The following AFF3 variants were observed in gnomAD, a reference collection of about 807,000 sequenced individuals.
AFF3 encodes ALF transcription elongation factor 3, also known as AF4/FMR2 family member 3.
Under a neutral mutation model 129.7 loss-of-function variants are expected in AFF3, and 32 were observed. That is an observed-to-expected ratio of 0.25 (90% CI 0.19 to 0.33). The LOEUF (loss-of-function observed/expected upper bound fraction) is 0.33, where lower values mean the gene tolerates loss of function less well. Among genes scored for constraint, AFF3 ranks in the 10% least tolerant of loss-of-function variants. AFF3 has a pLI of 1.00. For missense variants in AFF3, 1,373 were observed against 1,592.0 expected, an observed-to-expected ratio of 0.86 and a Z score of 2.34; for synonymous variants, 644 against 635.4, an observed-to-expected ratio of 1.01 and a Z score of -0.20.
chr2:99,880,216 G>A (rs991355153), intron 7 of AFF3, among the ~76,000 whole-genome samples: 3 of 152,168 alleles, frequency 2.0e-5, no homozygotes, highest in Admixed American at 6.5e-5. Context: ...AGCCTGGAAC[G>A]GGAGTGAAAT....
At chr2:100,070,588 A>G (rs545399316) in intron 4 of AFF3, among the ~76,000 whole-genome samples, 2 of 152,316 alleles carry the variant, frequency 1.3e-5, no homozygotes, top group South Asian at 4.1e-4. Context: ...CGTCAGTTAT[A>G]TTTGCACACC....
At chr2:99,761,562 C>T (rs1250839486) in intron 8 of AFF3, among the ~76,000 whole-genome samples, 1 of 152,192 alleles carries the variant, frequency 6.6e-6, no homozygotes, top group African/African-American at 2.4e-5. Context: ...CCCCACCTCA[C>T]GTAGCAGCTC....
intron 7 of AFF3, among the ~76,000 whole-genome samples, chr2:99,914,760 A>G (rs987337784): frequency 1.4e-5 from 2 of 141,772 alleles, no homozygotes; most frequent in Non-Finnish European, 3.0e-5. Flanking sequence ...CTAAAAATAC[A>G]AAAAAAAAAA....
intron 10 of AFF3, among the ~76,000 whole-genome samples, chr2:99,734,843 G>T (rs1169180055): frequency 1.3e-5 from 2 of 151,946 alleles, no homozygotes; most frequent in African/African-American, 2.4e-5. Flanking sequence ...TCTTGTACTG[G>T]CTTGTCAAGT....
intron 8 of AFF3, among the ~76,000 whole-genome samples, chr2:99,784,602 C>T (rs949750277): frequency 3.3e-5 from 5 of 152,166 alleles, no homozygotes; most frequent in African/African-American, 9.7e-5. Context: ...AAGCTTTGCG[C>T]AGTATTAAGA....
rs936243324 is a variant in AFF3, at chr2:99,896,867, C to A, written c.874-59343G>T. Among the ~76,000 whole-genome samples the A allele has an allele frequency of 5.3e-5, 8 of 151,812 alleles. No homozygotes were observed. In the East Asian group the frequency reaches 1.6e-3, roughly 29 times the overall value. ...AGCCAGGATGGTCTCGATCTCCTGA[C>A]CTCGTGATCTGCCCGCCTCGGCCTC... On this transcript the variant is annotated intron_variant, in intron 7 of 24. Coordinates refer to ENST00000672756, the MANE Select transcript of AFF3 (RefSeq NM_001386135.1).
At chr2:99,828,797 A>G (rs1339589795) in intron 8 of AFF3, among the ~76,000 whole-genome samples, 1 of 152,226 alleles carries the variant, frequency 6.6e-6, no homozygotes, top group Non-Finnish European at 1.5e-5. Flanking sequence ...GCTGAAGTTC[A>G]CAGAGCCCTT....
chr2:99,757,477 T>A (rs1013387463), intron 8 of AFF3, among the ~76,000 whole-genome samples: 1 of 152,356 alleles, frequency 6.6e-6, no homozygotes, highest in East Asian at 1.9e-4. Flanking sequence ...TTATTAAGCA[T>A]TTAAAATATA....
chr2:99,787,739 G>A (rs978656811), intron 8 of AFF3, among the ~76,000 whole-genome samples: 9 of 152,074 alleles, frequency 5.9e-5, no homozygotes, highest in Non-Finnish European at 4.4e-5. Context: ...ACAAACAAAC[G>A]AACAAACAAA....
chr2:99,787,164 G>A (rs375738798), intron 8 of AFF3, among the ~76,000 whole-genome samples: 1 of 152,106 alleles, frequency 6.6e-6, no homozygotes, highest in Non-Finnish European at 1.5e-5. Flanking sequence ...AGATGGCAGC[G>A]GGAGGCCACG....
chr2:99,873,418 T>C (rs1398411351), intron 7 of AFF3, among the ~76,000 whole-genome samples: 1 of 152,238 alleles, frequency 6.6e-6, no homozygotes, highest in Non-Finnish European at 1.5e-5. Flanking sequence ...TGTATTATTA[T>C]GAAGATAGTT....
At chr2:100,040,415 CATT>C (rs1685327171) in intron 4 of AFF3, among the ~76,000 whole-genome samples, 2 of 152,200 alleles carry the variant, frequency 1.3e-5, no homozygotes, top group Non-Finnish European at 2.9e-5. Flanking sequence ...CAATATACAT[CATT>C]GAGTTTCAAA....
intron 7 of AFF3, among the ~76,000 whole-genome samples, chr2:99,867,585 A>AAC (rs1691517785): frequency 6.6e-6 from 1 of 151,614 alleles, no homozygotes; most frequent in South Asian, 2.1e-4. Flanking sequence ...TTAAAAAAAA[A>AAC]AAAAAAAACA....
rs1364858531 is a variant in AFF3 at position 99,617,336 on chromosome 2, A to T, written c.1185-15715T>A. On this transcript the variant is annotated intron_variant, in intron 13 of 24. Coordinates refer to ENST00000672756, the MANE Select transcript of AFF3 (RefSeq NM_001386135.1). ...GCAACTGTTATTGTCCATCTTTTTC[A>T]TTCTGCCCATCATAGTGGGCGTGAA... 3.9e-5 allele frequency among the ~76,000 whole-genome samples: 6 copies of T among 152,102 alleles called. No individual in the cohort carries two copies. In the East Asian group the frequency reaches 1.2e-3, roughly 29 times the overall value.
At chr2:99,737,408 C>T (rs1216671222) in intron 10 of AFF3, among the ~76,000 whole-genome samples, 2 of 150,888 alleles carry the variant, frequency 1.3e-5, no homozygotes, top group South Asian at 2.1e-4. Context: ...GGCATACTTT[C>T]CCAGCTTTTG....
At chr2:99,585,180 C>T (rs932803421) in intron 16 of AFF3, among the ~76,000 whole-genome samples, 4 of 152,144 alleles carry the variant, frequency 2.6e-5, no homozygotes, top group Admixed American at 6.6e-5. Context: ...ACCTTTTCCT[C>T]AGTCTCTATT....
chr2:99,965,292 T>C (rs1006468125), intron 7 of AFF3, among the ~76,000 whole-genome samples: 1 of 152,164 alleles, frequency 6.6e-6, no homozygotes, highest in African/African-American at 2.4e-5. Flanking sequence ...ACAAAGAAAG[T>C]GCACAGCATC....
At chr2:99,771,820 C>A (rs1326127218) in intron 8 of AFF3, among the ~76,000 whole-genome samples, 1 of 152,168 alleles carries the variant, frequency 6.6e-6, no homozygotes, top group Admixed American at 6.5e-5. Flanking sequence ...CTGTGAGCTG[C>A]CCAAGGCCTC....
chr2:100,121,827 C>G (rs1024722372), intron 2 of AFF3, among the ~76,000 whole-genome samples: 10 of 152,126 alleles, frequency 6.6e-5, no homozygotes, highest in African/African-American at 2.4e-4. Context: ...CTTTGGGAGG[C>G]CGAGGCGGGT....
Sources: gnomAD v4.1 joint callset for allele counts (sites outside exome capture counted in the v4.1 genomes callset) on GRCh38, gnomAD v4.1.1 for gene constraint, MANE v1.5 for transcripts, NCBI Gene and HGNC (gene_info 2026-07-23, HGNC 2026-07-21) for gene names.